PBRM1: variants seen among roughly 807,000 people sequenced by gnomAD.
The protein encoded by PBRM1 is protein polybromo-1.
PBRM1 carries 27 observed loss-of-function variants against 194.5 expected under a neutral mutation model. The ratio of observed to expected loss-of-function variants is 0.14; its 90% CI spans 0.10 to 0.19. PBRM1 has a LOEUF of 0.19. Among genes scored for constraint, PBRM1 ranks in the 10% least tolerant of loss-of-function variants. The pLI, the probability that PBRM1 is intolerant of heterozygous loss-of-function variation, is 1.00. For missense variants in PBRM1, 1,466 were observed against 2,077.2 expected (o/e 0.71, Z 5.72); for synonymous variants, 655 against 693.2 (o/e 0.94, Z 0.87).
chr3:52,659,986 G>A (rs1454818085), intron 4 of PBRM1, among the ~76,000 whole-genome samples: 1 of 152,224 alleles, frequency 6.6e-6, no homozygotes, highest in African/African-American at 2.4e-5. Context: ...AGCTACTCAG[G>A]AGGCTGAGGC....
chr3:52,632,514 C>T (rs769298905), intron 11 of PBRM1, among the ~76,000 whole-genome samples: 3 of 151,942 alleles, frequency 2.0e-5, no homozygotes, highest in African/African-American at 7.3e-5. Flanking sequence ...CCCAGAGGTT[C>T]GAGTTGATCA....
At chr3:52,569,463 GC>G (rs1204320270) in intron 22 of PBRM1, among the ~76,000 whole-genome samples, 1 of 152,162 alleles carries the variant, frequency 6.6e-6, no homozygotes, top group Non-Finnish European at 1.5e-5. Context: ...GCCCGCCTTG[GC>G]TTCCCAAAGT....
upstream of PBRM1, among the ~76,000 whole-genome samples, chr3:52,682,754 G>A (rs1398446364): frequency 2.6e-5 from 4 of 152,094 alleles, no homozygotes; most frequent in East Asian, 5.8e-4. Flanking sequence ...TAACCTCTCA[G>A]ATCTGTTTCA....
chr3:52,575,753 A>G (rs963821147), intron 22 of PBRM1, among the ~76,000 whole-genome samples: 1 of 147,424 alleles, frequency 6.8e-6, no homozygotes, highest in Non-Finnish European at 1.5e-5. Flanking sequence ...ACCTTAGGTG[A>G]TCCACCCGCC....
At chr3:52,620,472 C>A (rs2095224542) in intron 13 of PBRM1, among the ~76,000 whole-genome samples, 1 of 152,202 alleles carries the variant, frequency 6.6e-6, no homozygotes, top group Non-Finnish European at 1.5e-5. Flanking sequence ...GTGCTCACCC[C>A]ATTCCCATCT....
chr3:52,669,310 G>A lies in PBRM1; in HGVS notation c.237-665C>T, dbSNP rs546019295. Among the ~76,000 whole-genome samples the A allele has an allele frequency of 7.9e-5, 12 of 152,212 alleles. No homozygotes were observed. In the South Asian group the frequency reaches 1.9e-3, roughly 24 times the overall value. ...TTATACCTTGCAGGAGAGGGGTAGT[G>A]AGGAACACACAAGAAACTTTGTAGG... On this transcript the variant is annotated intron_variant, in intron 2 of 29. Transcript: ENST00000296302.
At chr3:52,638,383 G>C (rs1334286804) in intron 10 of PBRM1, among the ~76,000 whole-genome samples, 3 of 150,522 alleles carry the variant, frequency 2.0e-5, no homozygotes, top group Admixed American at 6.6e-5. Context: ...TTTTGAGACG[G>C]AGTCTCGCTC....
chr3:52,669,420 T>C (rs991476747), intron 2 of PBRM1, among the ~76,000 whole-genome samples: 1 of 152,218 alleles, frequency 6.6e-6, no homozygotes, highest in Non-Finnish European at 1.5e-5. Context: ...ATTTCTTAAG[T>C]TCCCAAAATA....
At position 52,552,143 on chromosome 3, in the gene PBRM1, G is replaced by C. The variant is rs972455574; in HGVS notation, c.4610-1326C>G. 1.3e-5 allele frequency among the ~76,000 whole-genome samples: 2 copies of C among 152,256 alleles called. 1 individual carries two copies. Among genetic ancestry groups the C allele is most frequent in the South Asian group, 4.1e-4 (2 of 4,824 alleles). The stretch of plus-strand genomic sequence containing the variant: ...TGAAGAGGTTGTGGTGGGTAAGCTG[G>C]TGCCCCAGCAATATATTATTAACCT... On this transcript the variant is annotated intron_variant, in intron 27 of 29. Transcript: ENST00000296302.
At chr3:52,563,560 G>A in intron 23 of PBRM1, 67 bp from the exon 26 acceptor site, 2 of 1,118,460 alleles carry the variant, frequency 1.8e-6, no homozygotes, top group South Asian at 1.3e-5. Flanking sequence ...GGAAAGCAGT[G>A]TTCCACCTTA....
rs138549126 is a variant in PBRM1 at position 52,558,827 on chromosome 3, T to C, written c.4289-414A>G. ...GCAATTCCATGGCCCATTATAATTT[T>C]TGGTACAATTGTTACTTACTATATA... On this transcript the variant is annotated intron_variant, in intron 25 of 29. Transcript: ENST00000296302. Among the ~76,000 whole-genome samples, 590 of 152,358 alleles carry C rather than the reference T, an allele frequency of 3.9e-3. 1 individual carries two copies. Among genetic ancestry groups the C allele is most frequent in the African/African-American group, 0.01 (427 of 41,586 alleles).
At position 52,648,254 on chromosome 3, in the gene PBRM1, T is replaced by C. The variant is rs1254472037; in HGVS notation, c.813+90A>G. 1.1e-5 allele frequency: 8 copies of C among 747,296 alleles called. No individual in the cohort carries two copies. The Admixed American group carries it at 1.9e-4, about 18-fold the overall frequency. The allele number at this position is 747,296 out of a possible 1,614,324, so 46.3% of individuals were successfully genotyped here. On this transcript the variant is annotated intron_variant, in intron 7 of 29. Transcript: ENST00000296302. ...TAAAGTCCATGGTATGTGAATTATA[T>C]CTCAATAAAGTTGTTTTATAAAAAT...
intron 13 of PBRM1, among the ~76,000 whole-genome samples, chr3:52,617,862 A>T (rs1241808776): frequency 3.9e-5 from 6 of 152,248 alleles, no homozygotes; most frequent in African/African-American, 1.2e-4. Flanking sequence ...GTCAACTGAG[A>T]TATATTTTTT....
chr3:52,579,959 T>C (rs1560034243), intron 20 of PBRM1, among the ~76,000 whole-genome samples: 1 of 152,172 alleles, frequency 6.6e-6, no homozygotes, highest in Non-Finnish European at 1.5e-5. Context: ...TGATAAGATT[T>C]AGGCCAGGCA....
At position 52,612,258 on chromosome 3, in the gene PBRM1, C is replaced by CAAAAAAAAAAAAAAAAAAAAAAAAAAA. The variant is rs566481465; in HGVS notation, c.1925-2304_1925-2303insTTTTTTTTTTTTTTTTTTTTTTTTTTT. Among the ~76,000 whole-genome samples the CAAAAAAAAAAAAAAAAAAAAAAAAAAA allele has an allele frequency of 2.1e-4, 5 of 24,012 alleles. 1 individual carries two copies. Among genetic ancestry groups the CAAAAAAAAAAAAAAAAAAAAAAAAAAA allele is most frequent in the Non-Finnish European group, 3.9e-4 (5 of 12,910 alleles). The allele number at this position is 24,012 out of a possible 152,430, so 15.8% of individuals were successfully genotyped here. ...TAGGCAACAGAGCGAGATTCCGTCT[C>CAAAAAAAAAAAAAAAAAAAAAAAAAAA]AAAAAAAAAAAAAAAAAAAAAAAAG... On this transcript the variant is annotated intron_variant, in intron 15 of 29. Transcript: ENST00000296302.
chr3:52,626,872 C>T (rs975098328), intron 13 of PBRM1, among the ~76,000 whole-genome samples: 1 of 152,106 alleles, frequency 6.6e-6, no homozygotes, highest in Non-Finnish European at 1.5e-5. Flanking sequence ...GGACCAATGG[C>T]ATACCTCACT....
intron 3 of PBRM1, among the ~76,000 whole-genome samples, chr3:52,666,981 A>C (rs2096851732): frequency 6.6e-6 from 1 of 152,198 alleles, no homozygotes; most frequent in Non-Finnish European, 1.5e-5. Context: ...GGAACAGAAT[A>C]AAAGGACAGA....
At chr3:52,679,426 T>G (rs181338219) in intron 1 of PBRM1, 148 bp downstream of exon 2, 2 of 669,692 alleles carry the variant, frequency 3.0e-6, no homozygotes, top group Admixed American at 2.9e-5. Context: ...CTTAGCTGAA[T>G]ACATAATGTT....
chr3:52,563,543 A>G lies in PBRM1; in HGVS notation c.3876-50T>C, dbSNP rs1171015440. ...TAAAATCACCTAATGCCCCTCCAGAATAAGCCGGAAAGCAGTGTTCCACCT... is the reference window on the plus strand; with the variant it reads ...TAAAATCACCTAATGCCCCTCCAGAGTAAGCCGGAAAGCAGTGTTCCACCT... On this transcript the variant is annotated intron_variant, in intron 23 of 29. Transcript: ENST00000296302. 8 of 1,319,378 alleles carry G rather than the reference A, an allele frequency of 6.1e-6. No individual in the cohort carries two copies. The East Asian group carries it at 1.8e-4, about 30-fold the overall frequency. The allele number at this position is 1,319,378 out of a possible 1,614,324, so 81.7% of individuals were successfully genotyped here. A position where few individuals can be genotyped will look rare whatever the true frequency, so the allele number is the denominator to read the frequency against.
Sources: allele counts gnomAD v4.1 joint callset (sites outside exome capture counted in the v4.1 genomes callset), GRCh38; gene constraint gnomAD v4.1.1; transcripts MANE v1.5; gene names NCBI Gene and HGNC (gene_info 2026-07-23, HGNC 2026-07-21).